The following SGTB variants were observed in gnomAD, a reference collection of about 807,000 sequenced individuals.
The protein encoded by SGTB is small glutamine rich tetratricopeptide repeat co-chaperone beta.
SGTB carries 19 observed loss-of-function variants against 43.9 expected under a neutral mutation model. The observed-to-expected ratio is 0.43, with a 90% confidence interval of 0.30 to 0.63. The LOEUF is 0.63. Among genes scored for constraint, SGTB ranks in the 30% least tolerant of loss-of-function variants. The pLI is 0.12. For synonymous variants in SGTB, 116 were observed against 117.3 expected, an observed-to-expected ratio of 0.99 and a Z score of 0.07; for missense variants, 304 against 358.9, an observed-to-expected ratio of 0.85 and a Z score of 1.24.
At chr5:65,704,499 G>T in intron 4 of SGTB, 121 bp from the exon 5 acceptor site, 1 of 656,994 alleles carries the variant, frequency 1.5e-6, no homozygotes, top group African/African-American at 1.9e-5. Context: ...TGATTTTTCA[G>T]TCACACTGGA....
chr5:65,688,954 C>T (rs563656496), intron 5 of SGTB, among the ~76,000 whole-genome samples: 4 of 152,176 alleles, frequency 2.6e-5, no homozygotes, highest in Admixed American at 6.5e-5. Flanking sequence ...GGATTACAGG[C>T]GCCCGCCACC....
In SGTB at chr5:65,713,084, G is replaced by A. The variant is rs749456525; in HGVS notation, c.101-20C>T. The A allele has an allele frequency of 1.3e-6, 2 of 1,560,846 alleles. No homozygotes were observed. The highest frequency in any genetic ancestry group is 1.7e-6 in the Non-Finnish European group (2 of 1,148,440). On this transcript the variant is annotated intron_variant, in intron 2 of 10. Transcript: ENST00000381007. ...TTGCAACTTGAAATAAATTTTAATA[G>A]TAAAAAACAATTAGCAATTTTAAAA...
chr5:65,697,271 A>G (rs1261664742), intron 5 of SGTB, among the ~76,000 whole-genome samples: 1 of 152,242 alleles, frequency 6.6e-6, no homozygotes, highest in Non-Finnish European at 1.5e-5. Context: ...ATTTAAGTGC[A>G]AAAGAGAAGC....
At chr5:65,671,838 C>A in intron 10 of SGTB, 77 bp downstream of exon 10, 2 of 1,298,992 alleles carry the variant, frequency 1.5e-6, no homozygotes, top group Non-Finnish European at 1.1e-6. Flanking sequence ...AAAAAGAAAG[C>A]CCTGACCCCT....
chr5:65,673,632 A>G (rs1483002225), intron 8 of SGTB, among the ~76,000 whole-genome samples: 1 of 150,608 alleles, frequency 6.6e-6, no homozygotes, highest in East Asian at 1.9e-4. Flanking sequence ...CTGTTACAAA[A>G]AGGTTGGGGA....
intron 8 of SGTB, among the ~76,000 whole-genome samples, chr5:65,672,495 A>C (rs1216863585): frequency 6.6e-6 from 1 of 152,240 alleles, no homozygotes; most frequent in African/African-American, 2.4e-5. Context: ...AAGAGATTAC[A>C]AACAACACTA....
intron 5 of SGTB, among the ~76,000 whole-genome samples, chr5:65,696,439 C>T (rs995296190): frequency 1.3e-5 from 2 of 152,168 alleles, no homozygotes; most frequent in Non-Finnish European, 2.9e-5. Context: ...TCATGGAGAA[C>T]TTGGTGGTGT....
intron 3 of SGTB, among the ~76,000 whole-genome samples, chr5:65,709,385 T>G (rs1758001711): frequency 6.8e-6 from 1 of 147,166 alleles, no homozygotes; most frequent in South Asian, 2.1e-4. Context: ...TTGTCCAGTT[T>G]TTTTTTTTTT....
intron 8 of SGTB, among the ~76,000 whole-genome samples, chr5:65,674,267 A>C (rs1348547297): frequency 1.3e-5 from 2 of 152,140 alleles, no homozygotes; most frequent in East Asian, 3.9e-4. Context: ...GATGGATGCT[A>C]TGACTTTCCC....
rs150131304 is a variant in SGTB at position 65,666,865 on chromosome 5, G to A, written c.*3381C>T. On this transcript the variant is annotated 3_prime_UTR_variant, in exon 11 of 11. Coordinates refer to ENST00000381007, the MANE Select transcript of SGTB (RefSeq NM_019072.3). ...TTAACTACAGATGTTAGCACATGAA[G>A]ACATTGTTTTAAAGTTTTTTTTCTT... 1.3e-5 allele frequency: 2 copies of A among 152,244 alleles called. No individual in the cohort carries two copies. Among genetic ancestry groups the A allele is most frequent in the African/African-American group, 4.8e-5 (2 of 41,568 alleles). 9.4% of individuals were successfully genotyped at this position (152,244 alleles called of 1,614,324 possible).
At chr5:65,715,990 A>G (rs536104383) in intron 2 of SGTB, among the ~76,000 whole-genome samples, 63 of 152,302 alleles carry the variant, frequency 4.1e-4, no homozygotes, top group African/African-American at 1.5e-3. Flanking sequence ...GGCTGGTCTC[A>G]AATTCCCGAC....
chr5:65,690,564 A>G (rs1476327803), intron 5 of SGTB, among the ~76,000 whole-genome samples: 1 of 152,252 alleles, frequency 6.6e-6, no homozygotes, highest in Non-Finnish European at 1.5e-5. Context: ...TTAAAAGGAC[A>G]GCAAAAGACA....
chr5:65,685,477 G>A lies in SGTB; in HGVS notation c.375-5C>T. On this transcript the variant is annotated splice_region_variant and splice_polypyrimidine_tract_variant and intron_variant, in intron 5 of 10. Transcript: ENST00000381007. ...AATTTGCTCTGAGCAGCAGCCCTAA[G>A]AGAAAGAAAACAGAATTTTATTAAA... The A allele has an allele frequency of 1.4e-5, 22 of 1,612,986 alleles. No individual in the cohort carries two copies. Among genetic ancestry groups the A allele is most frequent in the Non-Finnish European group, 1.9e-5 (22 of 1,179,592 alleles).
intron 2 of SGTB, among the ~76,000 whole-genome samples, chr5:65,714,415 A>G (rs1758108663): frequency 6.6e-6 from 1 of 152,240 alleles, no homozygotes; most frequent in Non-Finnish European, 1.5e-5. Context: ...AGCATGTTAA[A>G]TGCTGATAGG....
In SGTB at chr5:65,690,950, A is replaced by C. The variant is rs908213289; in HGVS notation, c.375-5478T>G. Among the ~76,000 whole-genome samples, 5 of 152,248 alleles carry C rather than the reference A, an allele frequency of 3.3e-5. No homozygotes were observed. The East Asian group carries it at 7.7e-4, about 23-fold the overall frequency. ...TGCTTAGTGAGATGCATTCAAAGAC[A>C]AATGAAAAACTGCAAAGAAATCCTG... On this transcript the variant is annotated intron_variant, in intron 5 of 10. Coordinates refer to ENST00000381007, the MANE Select transcript of SGTB (RefSeq NM_019072.3).
At chr5:65,722,589 G>A (rs1398986442), upstream of SGTB, among the ~76,000 whole-genome samples, 2 of 152,186 alleles carry the variant, frequency 1.3e-5, no homozygotes, top group Non-Finnish European at 2.9e-5. Context: ...CGGCCACCTG[G>A]GGCCACCTTT....
chr5:65,671,835 A>C (rs1757162127), intron 10 of SGTB, 80 bp downstream of exon 10: 2 of 1,255,500 alleles, frequency 1.6e-6, no homozygotes, highest in Non-Finnish European at 2.2e-6. Flanking sequence ...TTTAAAAAGA[A>C]AGCCCTGACC....
intron 5 of SGTB, among the ~76,000 whole-genome samples, chr5:65,686,781 A>G (rs1240605255): frequency 3.9e-5 from 6 of 152,188 alleles, no homozygotes; most frequent in African/African-American, 1.4e-4. Context: ...GGAATCTAAT[A>G]AGCACACACG....
At chr5:65,698,734 T>C (rs1037016210) in intron 5 of SGTB, among the ~76,000 whole-genome samples, 1 of 152,058 alleles carries the variant, frequency 6.6e-6, no homozygotes, top group Non-Finnish European at 1.5e-5. Context: ...ATGACATGAA[T>C]AGACATTTCT....
Sources: gnomAD v4.1 joint callset for allele counts (sites outside exome capture counted in the v4.1 genomes callset) on GRCh38, gnomAD v4.1.1 for gene constraint, MANE v1.5 for transcripts, NCBI Gene and HGNC (gene_info 2026-07-23, HGNC 2026-07-21) for gene names.